The following GPC5 variants were observed in gnomAD, a reference collection of about 807,000 sequenced individuals.
GPC5 encodes the protein glypican-5.
In GPC5, 47 loss-of-function variants were observed where a neutral mutation model predicts 53.9. That is an observed-to-expected ratio of 0.87 (90% CI 0.69 to 1.11). The LOEUF is 1.11. GPC5 is among the 50% of genes most tolerant of loss of function. The pLI is 0.00. For missense variants in GPC5, 748 were observed against 713.1 expected, an observed-to-expected ratio of 1.05 and a Z score of -0.56; for synonymous variants, 286 against 263.3, an observed-to-expected ratio of 1.09 and a Z score of -0.84.
At chr13:92,324,317 A>G (rs2043235810) in intron 7 of GPC5, among the ~76,000 whole-genome samples, 1 of 151,936 alleles carries the variant, frequency 6.6e-6, no homozygotes, top group Non-Finnish European at 1.5e-5. Context: ...AAAAACCTCT[A>G]TTGCTTGATA....
chr13:92,803,302 A>G (rs903426567), intron 7 of GPC5, among the ~76,000 whole-genome samples: 1 of 151,966 alleles, frequency 6.6e-6, no homozygotes, highest in Non-Finnish European at 1.5e-5. Flanking sequence ...ATAGCATACC[A>G]CTGACTATTA....
intron 5 of GPC5, among the ~76,000 whole-genome samples, chr13:91,851,187 C>A (rs2138891124): frequency 6.6e-6 from 1 of 152,220 alleles, no homozygotes; most frequent in East Asian, 1.9e-4. Flanking sequence ...AAACACATCT[C>A]ATTAGAGATG....
chr13:91,910,786 G>A (rs1485683842), intron 6 of GPC5, among the ~76,000 whole-genome samples: 1 of 152,094 alleles, frequency 6.6e-6, no homozygotes, highest in East Asian at 1.9e-4. Flanking sequence ...GTATGATCCT[G>A]GTTCTGTACA....
At chr13:91,727,947 G>A (rs1299816114) in intron 3 of GPC5, among the ~76,000 whole-genome samples, 2 of 151,986 alleles carry the variant, frequency 1.3e-5, no homozygotes, top group Non-Finnish European at 2.9e-5. Context: ...ATTTTTCAAT[G>A]GGGATAAATT....
At chr13:92,675,608 G>C (rs1320414181) in intron 7 of GPC5, among the ~76,000 whole-genome samples, 1 of 151,366 alleles carries the variant, frequency 6.6e-6, no homozygotes, top group Non-Finnish European at 1.5e-5. Flanking sequence ...AAGCAAGTAC[G>C]TGTACAACAA....
chr13:91,932,083 A>G (rs1444197727), intron 6 of GPC5, among the ~76,000 whole-genome samples: 2 of 152,060 alleles, frequency 1.3e-5, no homozygotes, highest in Admixed American at 6.6e-5. Context: ...TGATTTCCTC[A>G]TGCTTCAGAT....
chr13:91,976,429 A>C (rs1327202119), intron 6 of GPC5, among the ~76,000 whole-genome samples: 2 of 152,208 alleles, frequency 1.3e-5, no homozygotes, highest in Non-Finnish European at 2.9e-5. Context: ...AGAAGGCTTT[A>C]ATTGGGTGCC....
At chr13:92,208,101 T>C (rs1331670250) in intron 7 of GPC5, among the ~76,000 whole-genome samples, 2 of 152,196 alleles carry the variant, frequency 1.3e-5, no homozygotes, top group Non-Finnish European at 2.9e-5. Context: ...TTCTCTGCAT[T>C]CCTGCAGCCC....
intron 6 of GPC5, among the ~76,000 whole-genome samples, chr13:92,027,714 T>G (rs1319109798): frequency 6.6e-6 from 1 of 152,130 alleles, no homozygotes; most frequent in Non-Finnish European, 1.5e-5. Context: ...TTTACACAAT[T>G]TCTCATTGCA....
At chr13:91,504,728 G>T (rs1290612577) in intron 2 of GPC5, among the ~76,000 whole-genome samples, 1 of 151,982 alleles carries the variant, frequency 6.6e-6, no homozygotes, top group African/African-American at 2.4e-5. Context: ...GAGGCTGAGG[G>T]AAGAAGATTG....
chr13:92,224,804 C>G (rs528768315), intron 7 of GPC5, among the ~76,000 whole-genome samples: 2 of 152,154 alleles, frequency 1.3e-5, no homozygotes, highest in Non-Finnish European at 2.9e-5. Context: ...TGTGGCTCTC[C>G]CAGAAGAGGA....
At chr13:91,650,005 C>T (rs1211267513) in intron 2 of GPC5, among the ~76,000 whole-genome samples, 1 of 152,154 alleles carries the variant, frequency 6.6e-6, no homozygotes, top group East Asian at 1.9e-4. Flanking sequence ...CTCTACACAA[C>T]TTCCTTCAGT....
rs563164253 is a variant in GPC5 at position 92,641,082 on chromosome 13, G to T, written c.1562-225200G>T. Among the ~76,000 whole-genome samples the T allele has an allele frequency of 9.9e-5, 15 of 152,242 alleles. 1 individual carries two copies. Among genetic ancestry groups the T allele is most frequent in the Admixed American group, 4.6e-4 (7 of 15,294 alleles). ...AGAATACTTATCTTTGGGAAGAGCT[G>T]GGTGAGAAGCAGGCTGCTTGCATGT... On this transcript the variant is annotated intron_variant, in intron 7 of 7. Transcript: ENST00000377067.
At chr13:92,116,604 T>C (rs1049098825) in intron 6 of GPC5, among the ~76,000 whole-genome samples, 1 of 152,226 alleles carries the variant, frequency 6.6e-6, no homozygotes, top group Non-Finnish European at 1.5e-5. Flanking sequence ...ATATAAACAA[T>C]GTATGCTAAA....
intron 1 of GPC5, among the ~76,000 whole-genome samples, chr13:91,438,510 G>A (rs1019857952): frequency 5.3e-5 from 8 of 152,146 alleles, no homozygotes; most frequent in South Asian, 2.1e-4. Context: ...CTGCCTGATC[G>A]TTCCTCTGGA....
At chr13:91,644,368 C>T (rs2034508104) in intron 2 of GPC5, among the ~76,000 whole-genome samples, 1 of 152,306 alleles carries the variant, frequency 6.6e-6, no homozygotes, top group African/African-American at 2.4e-5. Flanking sequence ...ACTCCTGAAT[C>T]TGCACTCTGA....
At chr13:92,061,773 T>C (rs2138853877) in intron 6 of GPC5, among the ~76,000 whole-genome samples, 1 of 152,100 alleles carries the variant, frequency 6.6e-6, no homozygotes, top group South Asian at 2.1e-4. Context: ...TTTCTATAGC[T>C]ATCTCTTAGG....
chr13:92,137,185 A>T (rs1252563224), intron 6 of GPC5, among the ~76,000 whole-genome samples: 7 of 152,178 alleles, frequency 4.6e-5, no homozygotes, highest in Non-Finnish European at 5.9e-5. Context: ...ATGTATTATT[A>T]TTCAGTAGAA....
Position 92,216,848 on chromosome 13 carries a change from G to A in GPC5, c.1561+71859G>A, listed in dbSNP as rs545591315. Among the ~76,000 whole-genome samples the A allele has an allele frequency of 4.6e-5, 7 of 152,048 alleles. No homozygotes were observed. The South Asian group carries it at 6.2e-4, about 14-fold the overall frequency. On this transcript the variant is annotated intron_variant, in intron 7 of 7. Coordinates refer to ENST00000377067, the MANE Select transcript of GPC5 (RefSeq NM_004466.6). Reference sequence around the variant, plus strand: ...ACAAAGATTAGCTGGGCGTGGTGGCGTACACCTGTAATCCCAGCTACTGCA... The same window carrying A: ...ACAAAGATTAGCTGGGCGTGGTGGCATACACCTGTAATCCCAGCTACTGCA...
Sources: allele counts gnomAD v4.1 joint callset (sites outside exome capture counted in the v4.1 genomes callset), GRCh38; gene constraint gnomAD v4.1.1; transcripts MANE v1.5; gene names NCBI Gene and HGNC (gene_info 2026-07-23, HGNC 2026-07-21).